RFFL: variants seen among roughly 807,000 people sequenced by gnomAD.
RFFL encodes ring finger and FYVE like domain containing E3 ubiquitin protein ligase.
A neutral mutation model predicts 40.4 loss-of-function variants in RFFL; 16 were observed. The observed-to-expected ratio is 0.40, with a 90% CI of 0.27 to 0.60. The LOEUF (loss-of-function observed/expected upper bound fraction) is 0.60, where lower values mean the gene tolerates loss of function less well. RFFL is among the 20% of genes least tolerant of loss of function. The probability of loss-of-function intolerance (pLI) is 0.47; values close to 1 mark genes in which losing one functional copy is unlikely to be tolerated. For synonymous variants in RFFL, 154 were observed against 167.9 expected (o/e 0.92, Z 0.64); for missense variants, 367 against 451.7 (o/e 0.81, Z 1.70).
intron 1 of RFFL, among the ~76,000 whole-genome samples, chr17:35,038,982 C>T (rs1455030159): frequency 2.6e-5 from 4 of 152,186 alleles, no homozygotes; most frequent in Non-Finnish European, 5.9e-5. Context: ...GACCATGGCT[C>T]ACTGTAACCT....
chr17:35,040,040 A>G (rs1367714724), intron 1 of RFFL, among the ~76,000 whole-genome samples: 1 of 151,868 alleles, frequency 6.6e-6, no homozygotes, highest in African/African-American at 2.4e-5. Flanking sequence ...GCCAACCACC[A>G]TTCCTAATCT....
At chr17:35,050,803 T>C (rs1178168309) in intron 1 of RFFL, among the ~76,000 whole-genome samples, 1 of 152,168 alleles carries the variant, frequency 6.6e-6, no homozygotes, top group Admixed American at 6.5e-5. Flanking sequence ...AGAAACCCTG[T>C]CTCTACTAAA....
At chr17:35,059,931 T>C (rs1053095646) in intron 1 of RFFL, among the ~76,000 whole-genome samples, 7 of 152,230 alleles carry the variant, frequency 4.6e-5, no homozygotes, top group African/African-American at 1.4e-4. Context: ...TATGCCAATA[T>C]CTAACAGAGA....
At chr17:35,044,478 A>C (rs1171145425) in intron 1 of RFFL, among the ~76,000 whole-genome samples, 4 of 152,158 alleles carry the variant, frequency 2.6e-5, no homozygotes. Flanking sequence ...TTAGCCAGGC[A>C]TGGTGACAGG....
At chr17:35,047,844 C>G (rs1435885297) in intron 1 of RFFL, among the ~76,000 whole-genome samples, 2 of 151,838 alleles carry the variant, frequency 1.3e-5, no homozygotes, top group African/African-American at 4.8e-5. Context: ...CTCTGCCTCC[C>G]AGGCTCAAGC....
intron 1 of RFFL, 45 bp downstream of exon 1, chr17:35,063,531 A>T (rs2091305987): frequency 6.7e-6 from 1 of 149,458 alleles, no homozygotes; most frequent in Admixed American, 6.7e-5. Context: ...TTTCTAATGC[A>T]GCTTCATCTA....
At position 35,012,054 on chromosome 17, in the gene RFFL, T is replaced by A. The variant is rs1381990412; in HGVS notation, c.1006A>T (p.Thr336Ser). The A allele has an allele frequency of 1.2e-6, 2 of 1,613,992 alleles. No individual in the cohort carries two copies. Among genetic ancestry groups the A allele is most frequent in the Non-Finnish European group, 1.7e-6 (2 of 1,179,928 alleles). ...CVLLECGHMV[T>S]CTKCGKRMNE... ...ATGCGCTTGCCACACTTGGTACAGG[T>A]TACCATGTGGCCACACTCCAGAAGA... is the stretch of plus-strand genomic sequence containing the variant. The change falls in exon 7 of 7, where the codon ACC becomes TCC. Residue 336 changes from threonine (T) to serine (S), a missense_variant. Coordinates refer to ENST00000394597, the MANE Select transcript of RFFL (RefSeq NM_001017368.2).
At chr17:35,055,186 G>A (rs810042) in intron 1 of RFFL, among the ~76,000 whole-genome samples, 56,175 of 151,672 alleles carry the variant, frequency 0.37, 11,972 homozygotes, top group Non-Finnish European at 0.47. Context: ...CCAAAGTGCT[G>A]GGATTACAGG....
intron 1 of RFFL, among the ~76,000 whole-genome samples, chr17:35,052,883 G>A (rs1351549091): frequency 1.3e-5 from 2 of 152,194 alleles, no homozygotes; most frequent in African/African-American, 4.8e-5. Context: ...TGAGACTCAG[G>A]AAGAAGTGAT....
intron 1 of RFFL, among the ~76,000 whole-genome samples, chr17:35,072,049 G>C (rs1462498156): frequency 1.3e-5 from 2 of 152,046 alleles, no homozygotes. Context: ...GGGAGGCTGA[G>C]GCGGACAAAT....
At chr17:35,083,353 C>T (rs1401703355) in intron 1 of RFFL, among the ~76,000 whole-genome samples, 2 of 152,168 alleles carry the variant, frequency 1.3e-5, no homozygotes, top group East Asian at 1.9e-4. Flanking sequence ...TATAAAAGCT[C>T]TTTGTTATCT....
At chr17:35,063,538 T>C (rs764453159) in intron 1 of RFFL, 38 bp downstream of exon 1, 1 of 146,248 alleles carries the variant, frequency 6.8e-6, no homozygotes, top group Non-Finnish European at 1.5e-5. Context: ...TGCAGCTTCA[T>C]CTAGCTAATG....
rs1472195205 is a variant in RFFL at position 35,050,638 on chromosome 17, C to G, written c.-9+12938G>C. ...CTTCCCAAACTGTTGGGATTACAGG[C>G]ATGAGCCACTCCCCAGGCTCTACAA... On this transcript the variant is annotated intron_variant, in intron 1 of 6. Coordinates refer to ENST00000394597, the MANE Select transcript of RFFL (RefSeq NM_001017368.2). 4.1e-5 allele frequency among the ~76,000 whole-genome samples: 6 copies of G among 147,416 alleles called. No individual in the cohort carries two copies. The Admixed American group carries it at 4.1e-4, about 10-fold the overall frequency.
At chr17:35,055,853 A>C (rs2091258336) in intron 1 of RFFL, among the ~76,000 whole-genome samples, 2 of 152,020 alleles carry the variant, frequency 1.3e-5, no homozygotes, top group South Asian at 4.2e-4. Flanking sequence ...ATTGCTTGAG[A>C]TATTTTTCAG....
intron 1 of RFFL, among the ~76,000 whole-genome samples, chr17:35,035,820 C>T (rs2091118136): frequency 6.6e-6 from 1 of 152,040 alleles, no homozygotes; most frequent in Admixed American, 6.6e-5. Flanking sequence ...TCTCCTGCCT[C>T]AGCCTCCTGC....
chr17:35,049,763 G>A (rs958232500), intron 1 of RFFL, among the ~76,000 whole-genome samples: 16 of 152,232 alleles, frequency 1.1e-4, no homozygotes, highest in Middle Eastern at 6.8e-3. Flanking sequence ...TAAAAATTCT[G>A]GAAACCAACA....
chr17:35,063,091 G>A (rs903874705), intron 1 of RFFL, among the ~76,000 whole-genome samples: 10 of 152,018 alleles, frequency 6.6e-5, no homozygotes, highest in African/African-American at 1.5e-4. Context: ...TAAACCTAAC[G>A]TTTTACTTTT....
chr17:35,031,688 T>A (rs1227395853), intron 1 of RFFL, among the ~76,000 whole-genome samples: 3 of 151,902 alleles, frequency 2.0e-5, no homozygotes, highest in Non-Finnish European at 4.4e-5. Flanking sequence ...ACTTTTCAAA[T>A]GAGGTGCCGC....
chr17:35,064,461 TA>T (rs1264625072), upstream of RFFL, among the ~76,000 whole-genome samples: 1 of 150,482 alleles, frequency 6.6e-6, no homozygotes, highest in South Asian at 2.1e-4. Flanking sequence ...CCTGCTTATT[TA>T]AAAAATCAAT....
Sources: gnomAD v4.1 joint callset for allele counts (sites outside exome capture counted in the v4.1 genomes callset) on GRCh38, gnomAD v4.1.1 for gene constraint, MANE v1.5 for transcripts, NCBI Gene and HGNC (gene_info 2026-07-23, HGNC 2026-07-21) for gene names.